Variants in MED12L observed in about 807,000 individuals in gnomAD.
The protein encoded by MED12L is mediator complex subunit 12L.
Under a neutral mutation model 281.3 loss-of-function variants are expected in MED12L, and 60 were observed. The observed-to-expected ratio is 0.21, with a 90% CI of 0.17 to 0.26. The LOEUF (loss-of-function observed/expected upper bound fraction) is 0.26. Among genes scored for constraint, MED12L ranks in the 10% least tolerant of loss-of-function variants. The pLI, the probability that MED12L is intolerant of heterozygous loss-of-function variation, is 1.00. For synonymous variants in MED12L, 974 were observed against 987.2 expected (o/e 0.99, Z 0.25); for missense variants, 2,146 against 2,680.9 (o/e 0.80, Z 4.41).
At chr3:151,366,748 C>A (rs1755333407) in intron 23 of MED12L, among the ~76,000 whole-genome samples, 1 of 152,110 alleles carries the variant, frequency 6.6e-6, no homozygotes, top group African/African-American at 2.4e-5. Context: ...ATCTCTATAT[C>A]TTCATTATAT....
At chr3:151,319,127 G>A (rs1164316593) in intron 16 of MED12L, among the ~76,000 whole-genome samples, 1 of 152,190 alleles carries the variant, frequency 6.6e-6, no homozygotes, top group Non-Finnish European at 1.5e-5. Flanking sequence ...GTTGGGACTT[G>A]TGAAAGCTGG....
chr3:151,321,900 C>T, intron 16 of MED12L, among the ~76,000 whole-genome samples: 1 of 152,064 alleles, frequency 6.6e-6, no homozygotes, highest in South Asian at 2.1e-4. Context: ...TTCCTTTCTT[C>T]CCATCTTATT....
At chr3:151,310,527 G>T (rs1747361633) in intron 16 of MED12L, among the ~76,000 whole-genome samples, 1 of 152,180 alleles carries the variant, frequency 6.6e-6, no homozygotes, top group Non-Finnish European at 1.5e-5. Flanking sequence ...TACATAATAA[G>T]AATGGTGTTC....
chr3:151,371,985 A>T (rs1272784134), intron 26 of MED12L, among the ~76,000 whole-genome samples: 1 of 152,200 alleles, frequency 6.6e-6, no homozygotes, highest in Non-Finnish European at 1.5e-5. Context: ...ACAGAGAGGA[A>T]GGTAAAAAAA....
At chr3:151,314,378 T>C (rs948235203) in intron 16 of MED12L, among the ~76,000 whole-genome samples, 1 of 152,202 alleles carries the variant, frequency 6.6e-6, no homozygotes, top group Non-Finnish European at 1.5e-5. Context: ...AACCTGTCTT[T>C]CACCATTGGC....
chr3:151,430,511 G>C, intron 44 of MED12L, 131 bp downstream of exon 44: 3 of 1,361,710 alleles, frequency 2.2e-6, no homozygotes, highest in South Asian at 3.6e-5. Flanking sequence ...ATTTGGTTTA[G>C]CCCAAGGTAT....
At chr3:151,149,164 C>T (rs545032126) in intron 5 of MED12L, among the ~76,000 whole-genome samples, 2 of 152,032 alleles carry the variant, frequency 1.3e-5, no homozygotes, top group South Asian at 2.1e-4. Flanking sequence ...TGTAGTTTTA[C>T]GGGGATGGAG....
At chr3:151,346,839 C>T (rs1752607263) in intron 16 of MED12L, among the ~76,000 whole-genome samples, 1 of 152,068 alleles carries the variant, frequency 6.6e-6, no homozygotes, top group Non-Finnish European at 1.5e-5. Context: ...AATTACTGGA[C>T]ATTTACACAT....
rs942958809 is a variant in MED12L, at chr3:151,085,761, G to A, written c.-305G>A. On this transcript the variant is annotated 5_prime_UTR_variant, in exon 1 of 45. Coordinates refer to ENST00000687756, the MANE Select transcript of MED12L (RefSeq NM_001393769.1). ...CGCCGGCGGCGAGCCGGCGTCGCTC[G>A]CCGCCCCCAGACAGTGGCAAACTTC... 6.6e-6 allele frequency: 1 copy of A among 152,008 alleles called. No individual in the cohort carries two copies. The highest frequency in any genetic ancestry group is 1.5e-5 in the Non-Finnish European group (1 of 67,972). The allele number at this position is 152,008 out of a possible 1,614,324, so 9.4% of individuals were successfully genotyped here.
intron 16 of MED12L, among the ~76,000 whole-genome samples, chr3:151,335,078 G>A (rs574746588): frequency 5.3e-5 from 8 of 152,136 alleles, no homozygotes; most frequent in African/African-American, 1.4e-4. Context: ...ATGTGTAATG[G>A]TCAAATCAGG....
chr3:151,263,643 C>T (rs967592576), intron 16 of MED12L, among the ~76,000 whole-genome samples: 6 of 152,032 alleles, frequency 3.9e-5, no homozygotes, highest in African/African-American at 1.4e-4. Context: ...TTGAAAGAAA[C>T]AATCCAAGAA....
chr3:151,185,168 T>C (rs1298016019), intron 11 of MED12L, among the ~76,000 whole-genome samples, 162 bp from the exon 12 acceptor site: 2 of 152,232 alleles, frequency 1.3e-5, no homozygotes, highest in South Asian at 4.1e-4. Flanking sequence ...GTTTATTTTT[T>C]GTATTTCAAT....
chr3:151,198,662 A>C, intron 16 of MED12L: 2 of 1,614,152 alleles, frequency 1.2e-6, no homozygotes, highest in Non-Finnish European at 1.7e-6. Flanking sequence ...CGGGATTCGG[A>C]CAATGTGGTA....
chr3:151,224,694 C>A (rs1005671626), intron 16 of MED12L, among the ~76,000 whole-genome samples: 1 of 152,164 alleles, frequency 6.6e-6, no homozygotes, highest in Non-Finnish European at 1.5e-5. Flanking sequence ...TTGTCATCAC[C>A]CAGAGCATTT....
At chr3:151,188,871 C>T (rs1723603235) in intron 13 of MED12L, among the ~76,000 whole-genome samples, 1 of 152,130 alleles carries the variant, frequency 6.6e-6, no homozygotes, top group African/African-American at 2.4e-5. Context: ...TAGCCAGAGG[C>T]ATGGTACAAG....
chr3:151,194,189 A>G (rs1692106556), intron 16 of MED12L, among the ~76,000 whole-genome samples: 1 of 151,468 alleles, frequency 6.6e-6, no homozygotes. Flanking sequence ...CTGGTCTCGA[A>G]CTCCTGACCT....
intron 16 of MED12L, chr3:151,269,574 A>G: frequency 3.4e-6 from 1 of 290,258 alleles, no homozygotes; most frequent in Non-Finnish European, 6.8e-6. Flanking sequence ...GGGTAACAGC[A>G]TTTGTCAGCC....
chr3:151,175,077 T>G (rs1373887135), intron 11 of MED12L, among the ~76,000 whole-genome samples: 2 of 152,216 alleles, frequency 1.3e-5, no homozygotes, highest in African/African-American at 4.8e-5. Flanking sequence ...GTTAACAGTG[T>G]TAGGCCTATT....
intron 2 of MED12L, among the ~76,000 whole-genome samples, chr3:151,095,131 T>C (rs1207481969): frequency 6.6e-6 from 1 of 152,222 alleles, no homozygotes; most frequent in Non-Finnish European, 1.5e-5. Flanking sequence ...TGAAGTAGCA[T>C]TGTAAACTTA....
Sources: gnomAD v4.1 joint callset for allele counts (sites outside exome capture counted in the v4.1 genomes callset) on GRCh38, gnomAD v4.1.1 for gene constraint, MANE v1.5 for transcripts, NCBI Gene and HGNC (gene_info 2026-07-23, HGNC 2026-07-21) for gene names.